Variants in ACYP2 observed in about 807,000 individuals in gnomAD.
The protein encoded by ACYP2 is acylphosphatase 2.
In ACYP2, 12 loss-of-function variants were observed where a neutral mutation model predicts 11.2. The observed-to-expected ratio is 1.08, with a 90% CI of 0.69 to 1.74. The LOEUF (loss-of-function observed/expected upper bound fraction) is 1.74, where lower values mean the gene tolerates loss of function less well. Ranked by LOEUF, ACYP2 falls within the 40% of genes most tolerant of loss-of-function variation. The pLI is 0.00. For missense variants in ACYP2, 134 were observed against 101.9 expected (o/e 1.31, Z -1.35); for synonymous variants, 43 against 32.2 (o/e 1.33, Z -1.13).
rs1403792681 is a variant in ACYP2, at chr2:54,122,163, A to G, written c.278-13290A>G. On this transcript the variant is annotated intron_variant, in intron 4 of 6. Coordinates refer to ENST00000607452, the MANE Select transcript of ACYP2 (RefSeq NM_001320586.2). The stretch of plus-strand genomic sequence containing the variant: ...TCCTGCATTCAAAATTGACACATGC[A>G]GTCAGATCCCAGGATGAAATGGTAG... Among the ~76,000 whole-genome samples the G allele has an allele frequency of 3.3e-5, 5 of 152,238 alleles. No homozygotes were observed. In the South Asian group the frequency reaches 1.0e-3, roughly 32 times the overall value.
At chr2:54,096,313 A>C (rs1340878768) in intron 4 of ACYP2, among the ~76,000 whole-genome samples, 1 of 112,062 alleles carries the variant, frequency 8.9e-6, no homozygotes, top group African/African-American at 3.6e-5. Flanking sequence ...CCTAGATGGG[A>C]TGGCGGCCGG....
In ACYP2 at chr2:54,131,006, A is replaced by G. The variant is rs554505757; in HGVS notation, c.278-4447A>G. Among the ~76,000 whole-genome samples the G allele has an allele frequency of 2.0e-5, 3 of 152,284 alleles. No individual in the cohort carries two copies. In the South Asian group the frequency reaches 6.2e-4, roughly 32 times the overall value. On this transcript the variant is annotated intron_variant, in intron 4 of 6. Coordinates refer to ENST00000607452, the MANE Select transcript of ACYP2 (RefSeq NM_001320586.2). ...ATTTTACAGCTCCAAATTGTCCATT[A>G]TTTTAATTGCCATATTTAATTGCCA...
At chr2:54,142,151 AAAAT>A in intron 6 of ACYP2, 1 of 375,338 alleles carries the variant, frequency 2.7e-6, no homozygotes, top group Non-Finnish European at 4.7e-6. Context: ...TGGGATTACA[AAAAT>A]AAACTTTATT....
chr2:54,277,442 G>A (rs993712805), intron 6 of ACYP2, among the ~76,000 whole-genome samples: 3 of 152,190 alleles, frequency 2.0e-5, no homozygotes, highest in South Asian at 2.1e-4. Flanking sequence ...CACTTTGGGA[G>A]GTTGAGGCGG....
intron 2 of ACYP2, among the ~76,000 whole-genome samples, chr2:54,008,134 C>G (rs376612941): frequency 3.3e-5 from 5 of 152,218 alleles, no homozygotes; most frequent in East Asian, 3.9e-4. Context: ...CAGTCCCTCC[C>G]TATGGTTAGA....
At chr2:54,019,024 C>T (rs183914691) in intron 2 of ACYP2, among the ~76,000 whole-genome samples, 65 of 151,926 alleles carry the variant, frequency 4.3e-4, no homozygotes, top group African/African-American at 1.3e-3. Flanking sequence ...AGATTACAGG[C>T]GTGTGCCACC....
chr2:54,215,635 C>T (rs1685526515), intron 6 of ACYP2, among the ~76,000 whole-genome samples: 1 of 152,112 alleles, frequency 6.6e-6, no homozygotes, highest in South Asian at 2.1e-4. Flanking sequence ...CTTGTAACTT[C>T]ACAATAAATT....
At chr2:54,245,838 T>C (rs1162323237) in intron 6 of ACYP2, among the ~76,000 whole-genome samples, 1 of 152,166 alleles carries the variant, frequency 6.6e-6, no homozygotes, top group Non-Finnish European at 1.5e-5. Flanking sequence ...GTTGTTTCTT[T>C]TGATGTGCGG....
chr2:54,053,854 T>C (rs1310627703), intron 3 of ACYP2, among the ~76,000 whole-genome samples: 2 of 152,234 alleles, frequency 1.3e-5, no homozygotes, highest in Non-Finnish European at 2.9e-5. Context: ...ACTATGTGGT[T>C]TTTGCTCTTG....
At chr2:54,199,747 G>A (rs1255355440) in intron 6 of ACYP2, among the ~76,000 whole-genome samples, 2 of 152,216 alleles carry the variant, frequency 1.3e-5, no homozygotes, top group Non-Finnish European at 2.9e-5. Context: ...GATTTACCTT[G>A]GTTTAAGAAC....
At chr2:54,210,487 C>T (rs575889223) in intron 6 of ACYP2, among the ~76,000 whole-genome samples, 33 of 152,064 alleles carry the variant, frequency 2.2e-4, no homozygotes, top group Non-Finnish European at 4.1e-4. Context: ...AATTCACTTC[C>T]AATATGTTTT....
At chr2:54,136,504 A>G (rs1341777910) in intron 5 of ACYP2, among the ~76,000 whole-genome samples, 1 of 151,986 alleles carries the variant, frequency 6.6e-6, no homozygotes, top group Non-Finnish European at 1.5e-5. Context: ...ATCCCCCAAA[A>G]TTCAGATTGT....
intron 6 of ACYP2, among the ~76,000 whole-genome samples, chr2:54,247,172 G>T (rs1196807346): frequency 1.3e-5 from 2 of 152,100 alleles, no homozygotes; most frequent in African/African-American, 4.8e-5. Flanking sequence ...CTTCCTTTGT[G>T]CTCTCTCCTT....
chr2:54,303,018 T>C (rs1190641651), intron 6 of ACYP2, among the ~76,000 whole-genome samples: 1 of 152,138 alleles, frequency 6.6e-6, no homozygotes, highest in Non-Finnish European at 1.5e-5. Flanking sequence ...TTGTGTGGAA[T>C]AAAAGATAAG....
intron 4 of ACYP2, among the ~76,000 whole-genome samples, chr2:54,103,105 G>C (rs10166363): frequency 0.2 from 30,328 of 152,038 alleles, 4,095 homozygotes; most frequent in African/African-American, 0.39. Flanking sequence ...GGAGAAAGAG[G>C]GTTTGTAAAA....
chr2:54,264,893 T>C (rs1687947133), intron 6 of ACYP2, among the ~76,000 whole-genome samples: 2 of 152,196 alleles, frequency 1.3e-5, no homozygotes, highest in Non-Finnish European at 2.9e-5. Context: ...GAAAACAGCA[T>C]TCTTATTCTC....
intron 6 of ACYP2, among the ~76,000 whole-genome samples, chr2:54,218,489 T>C (rs1326821689): frequency 2.0e-5 from 3 of 152,226 alleles, no homozygotes; most frequent in Non-Finnish European, 4.4e-5. Context: ...TGTTACAGCA[T>C]GATACTAAAC....
chr2:53,973,082 G>C (rs1018131209), intron 1 of ACYP2, among the ~76,000 whole-genome samples: 1 of 149,276 alleles, frequency 6.7e-6, no homozygotes, highest in Non-Finnish European at 1.5e-5. Flanking sequence ...AGAGAGAGGA[G>C]GAGTTCTAGG....
intron 4 of ACYP2, among the ~76,000 whole-genome samples, chr2:54,101,205 C>T (rs1678873300): frequency 1.3e-5 from 2 of 152,234 alleles, no homozygotes; most frequent in Admixed American, 6.5e-5. Context: ...ACATTATCAT[C>T]CTCCAAGACT....
Sources: allele counts gnomAD v4.1 joint callset (sites outside exome capture counted in the v4.1 genomes callset), GRCh38; gene constraint gnomAD v4.1.1; transcripts MANE v1.5; gene names NCBI Gene and HGNC (gene_info 2026-07-23, HGNC 2026-07-21).